UBE2D2: variants seen among roughly 807,000 people sequenced by gnomAD.
UBE2D2 encodes the protein ubiquitin-conjugating enzyme E2 D2.
A neutral mutation model predicts 24.2 loss-of-function variants in UBE2D2; 2 were observed. That is an observed-to-expected ratio of 0.08 (90% CI 0.03 to 0.26). UBE2D2 has a LOEUF of 0.26. Ranked by LOEUF, UBE2D2 falls within the 10% of genes least tolerant of loss-of-function variation. UBE2D2 has a pLI of 1.00. For missense variants in UBE2D2, 44 were observed against 177.6 expected (o/e 0.25, Z 4.28); for synonymous variants, 58 against 56.5 (o/e 1.03, Z -0.12).
intron 1 of UBE2D2, among the ~76,000 whole-genome samples, chr5:139,586,221 A>T (rs1201871020): frequency 1.3e-5 from 2 of 150,828 alleles, no homozygotes; most frequent in African/African-American, 4.9e-5. Flanking sequence ...TCAGAATTTC[A>T]TATTGGTTTC....
chr5:139,561,849 A>G lies in UBE2D2; in HGVS notation c.24+34A>G. 2.1e-6 allele frequency: 3 copies of G among 1,462,242 alleles called. No individual in the cohort carries two copies. In the South Asian group the frequency reaches 4.3e-5, roughly 21 times the overall value. The allele number at this position is 1,462,242 out of a possible 1,614,324, so 90.6% of individuals were successfully genotyped here. ...CCGGAGGTCGGCTGCGCTGCTGGCC[A>G]GCTGAGCAGGCTGCGGCCTGCACTT... On this transcript the variant is annotated intron_variant, in intron 1 of 6. Coordinates refer to ENST00000398733, the MANE Select transcript of UBE2D2 (RefSeq NM_003339.3).
intron 1 of UBE2D2, among the ~76,000 whole-genome samples, chr5:139,596,237 G>A (rs974921675): frequency 1.3e-5 from 2 of 151,554 alleles, no homozygotes; most frequent in Non-Finnish European, 2.9e-5. Context: ...TGTAAAGATG[G>A]ATAGTTACGT....
At chr5:139,550,615 C>T (rs1752901624) in intron 1 of UBE2D2, among the ~76,000 whole-genome samples, 3 of 152,050 alleles carry the variant, frequency 2.0e-5, no homozygotes, top group African/African-American at 2.4e-5. Flanking sequence ...CTTGCTGCTG[C>T]TCATTCTTTG....
intron 1 of UBE2D2, among the ~76,000 whole-genome samples, chr5:139,527,362 A>AG (rs1752554185): frequency 6.6e-6 from 1 of 152,160 alleles, no homozygotes; most frequent in African/African-American, 2.4e-5. Flanking sequence ...CAGCAGAGAG[A>AG]AAAAAAGGCC....
chr5:139,626,522 C>A (rs1304831760), intron 6 of UBE2D2, among the ~76,000 whole-genome samples: 1 of 152,184 alleles, frequency 6.6e-6, no homozygotes, highest in East Asian at 1.9e-4. Flanking sequence ...CCAACAAATA[C>A]TAAAATTTAA....
At chr5:139,551,239 A>T (rs3180294) in intron 1 of UBE2D2, among the ~76,000 whole-genome samples, 1 of 152,162 alleles carries the variant, frequency 6.6e-6, no homozygotes, top group African/African-American at 2.4e-5. Context: ...CCAGCTACCC[A>T]GGAGGCTAAG....
At chr5:139,548,837 G>A (rs1330572449) in intron 1 of UBE2D2, among the ~76,000 whole-genome samples, 4 of 151,404 alleles carry the variant, frequency 2.6e-5, no homozygotes, top group Non-Finnish European at 5.9e-5. Flanking sequence ...TGACTTCAAA[G>A]CCCTGGTTCT....
chr5:139,575,626 G>A (rs1329387961), intron 1 of UBE2D2, among the ~76,000 whole-genome samples: 2 of 152,184 alleles, frequency 1.3e-5, no homozygotes, highest in Admixed American at 6.6e-5. Flanking sequence ...TTATAGAAGT[G>A]TCTGCTGCTA....
chr5:139,527,853 A>C (rs1224343368), intron 1 of UBE2D2, among the ~76,000 whole-genome samples: 1 of 152,242 alleles, frequency 6.6e-6, no homozygotes, highest in Non-Finnish European at 1.5e-5. Context: ...GAAATGGATC[A>C]AATATTCCAT....
chr5:139,527,260 A>G (rs1168380024), intron 1 of UBE2D2, among the ~76,000 whole-genome samples: 1 of 152,140 alleles, frequency 6.6e-6, no homozygotes, highest in African/African-American at 2.4e-5. Flanking sequence ...CTATACATAG[A>G]CAGTTACAGC....
chr5:139,582,710 G>A (rs568175296), intron 1 of UBE2D2, among the ~76,000 whole-genome samples: 6 of 130,844 alleles, frequency 4.6e-5, no homozygotes, highest in Non-Finnish European at 6.2e-5. Flanking sequence ...TTGCTCTGTC[G>A]CCCAGGCTGG....
At chr5:139,588,698 A>G (rs1242305521) in intron 1 of UBE2D2, among the ~76,000 whole-genome samples, 1 of 152,190 alleles carries the variant, frequency 6.6e-6, no homozygotes, top group Non-Finnish European at 1.5e-5. Flanking sequence ...TTAGCTGTAT[A>G]TTTGATCACT....
chr5:139,616,557 C>A lies in UBE2D2; in HGVS notation c.304+1591C>A, dbSNP rs529483636. On this transcript the variant is annotated intron_variant, in intron 5 of 6. Coordinates refer to ENST00000398733, the MANE Select transcript of UBE2D2 (RefSeq NM_003339.3). ...CCAAAGAATAAATAAATGAATGTTA[C>A]GTTCCTATTTTTTACCTTTTTAATT... Among the ~76,000 whole-genome samples the A allele has an allele frequency of 5.8e-3, 886 of 152,164 alleles. 12 individuals are homozygous for A. Among genetic ancestry groups the A allele is most frequent in the African/African-American group, 0.018 (755 of 41,520 alleles).
intron 1 of UBE2D2, among the ~76,000 whole-genome samples, chr5:139,563,965 A>G (rs1463356192): frequency 2.0e-5 from 3 of 152,130 alleles, no homozygotes; most frequent in African/African-American, 7.2e-5. Context: ...TTTAATCTCT[A>G]CATTGAATTA....
intron 2 of UBE2D2, among the ~76,000 whole-genome samples, chr5:139,608,464 A>G (rs1754242303): frequency 6.6e-6 from 1 of 151,946 alleles, no homozygotes; most frequent in Non-Finnish European, 1.5e-5. Context: ...TATTCTGGGT[A>G]TTCTGGCTGG....
chr5:139,625,440 C>CCTCT (rs1390321656), intron 6 of UBE2D2, among the ~76,000 whole-genome samples: 1 of 5,266 alleles, frequency 1.9e-4, no homozygotes, highest in Non-Finnish European at 3.0e-4. Context: ...ACCCCCCCCC[C>CCTCT]TTTTTTTTTT....
chr5:139,610,167 G>A (rs1279479131), intron 2 of UBE2D2, among the ~76,000 whole-genome samples: 1 of 152,106 alleles, frequency 6.6e-6, no homozygotes, highest in African/African-American at 2.4e-5. Context: ...CTTGCATGTA[G>A]GGCAACTCAG....
At chr5:139,624,001 C>T (rs1754567888) in intron 6 of UBE2D2, among the ~76,000 whole-genome samples, 1 of 152,046 alleles carries the variant, frequency 6.6e-6, no homozygotes, top group Non-Finnish European at 1.5e-5. Context: ...AAAAACTTTC[C>T]TATGGTATAT....
Position 139,578,434 on chromosome 5 carries a change from TTGTGTGTGTGTGTGTGTG to T in UBE2D2, c.24+16637_24+16654del, listed in dbSNP as rs34697798. On this transcript the variant is annotated intron_variant, in intron 1 of 6. Transcript: ENST00000398733. ...AAATTCTAAACTTCTGTTTTGTGTT[TTGTGTGTGTGTGTGTGTG>T]TGTGTGTGTGTGTGTGTTTTGACAG... 6.2e-5 allele frequency among the ~76,000 whole-genome samples: 9 copies of T among 145,074 alleles called. No homozygotes were observed. In the South Asian group the frequency reaches 2.0e-3, roughly 32 times the overall value.
Sources: gnomAD v4.1 joint callset for allele counts (sites outside exome capture counted in the v4.1 genomes callset) on GRCh38, gnomAD v4.1.1 for gene constraint, MANE v1.5 for transcripts, NCBI Gene and HGNC (gene_info 2026-07-23, HGNC 2026-07-21) for gene names.